CDH12: variants seen among roughly 807,000 people sequenced by gnomAD.
The protein encoded by CDH12 is cadherin 12.
A neutral mutation model predicts 74.1 loss-of-function variants in CDH12; 41 were observed. That is an observed-to-expected ratio of 0.55 (90% CI 0.43 to 0.72). The LOEUF (loss-of-function observed/expected upper bound fraction) is 0.72. Ranked by LOEUF, CDH12 falls within the 30% of genes least tolerant of loss-of-function variation. The pLI is 0.00. For missense variants in CDH12, 945 were observed against 977.2 expected (o/e 0.97, Z 0.44); for synonymous variants, 399 against 355.0 (o/e 1.12, Z -1.39).
intron 3 of CDH12, among the ~76,000 whole-genome samples, chr5:22,382,365 T>G (rs958348470): frequency 8.6e-5 from 13 of 151,236 alleles, no homozygotes; most frequent in Non-Finnish European, 4.4e-5. Flanking sequence ...ATATATAGAC[T>G]TTCCTTATAA....
intron 4 of CDH12, among the ~76,000 whole-genome samples, chr5:22,110,405 G>A (rs1744737024): frequency 6.6e-6 from 1 of 151,926 alleles, no homozygotes; most frequent in African/African-American, 2.4e-5. Context: ...TGGGAGACAG[G>A]GGTAGTACTC....
rs1490317412 is a variant in CDH12 at position 22,316,056 on chromosome 5, C to G, written c.-333+89201G>C. On this transcript the variant is annotated intron_variant, in intron 3 of 14. Coordinates refer to ENST00000382254, the MANE Select transcript of CDH12 (RefSeq NM_004061.5). ...ACAGAGTCCTGACAAGAGAATGTGA[C>G]AGGGGCTGCCTCTAGATCTTGTTCT... 2.6e-5 allele frequency among the ~76,000 whole-genome samples: 4 copies of G among 152,192 alleles called. 1 individual carries two copies. Among genetic ancestry groups the G allele is most frequent in the African/African-American group, 2.4e-5 (1 of 41,546 alleles).
At chr5:22,112,832 T>C (rs1229320055) in intron 4 of CDH12, among the ~76,000 whole-genome samples, 1 of 152,166 alleles carries the variant, frequency 6.6e-6, no homozygotes, top group Non-Finnish European at 1.5e-5. Context: ...CTAGTCTTTT[T>C]CTATTTTGCA....
chr5:21,772,907 A>C (rs541470687), intron 11 of CDH12, among the ~76,000 whole-genome samples: 1 of 152,314 alleles, frequency 6.6e-6, no homozygotes, highest in Admixed American at 6.5e-5. Flanking sequence ...ATAGTTGTAC[A>C]TGTGATTTTG....
chr5:22,057,835 A>G (rs181156623), intron 5 of CDH12, among the ~76,000 whole-genome samples: 1 of 152,294 alleles, frequency 6.6e-6, no homozygotes, highest in Admixed American at 6.5e-5. Context: ...GAGCAGCTAA[A>G]TATGTCACTG....
At chr5:21,875,928 G>A (rs536881574) in intron 6 of CDH12, among the ~76,000 whole-genome samples, 4 of 126,156 alleles carry the variant, frequency 3.2e-5, no homozygotes, top group South Asian at 2.6e-4. Flanking sequence ...ACGGAGTCTC[G>A]CTCTCTCTCC....
At chr5:21,973,047 T>TA (rs746404771) in intron 6 of CDH12, among the ~76,000 whole-genome samples, 28,665 of 103,592 alleles carry the variant, frequency 0.28, 5,017 homozygotes, top group African/African-American at 0.54. Flanking sequence ...CTACAAAAAG[T>TA]AAAAAAAAAA....
chr5:21,868,751 A>G (rs935385899), intron 6 of CDH12, among the ~76,000 whole-genome samples: 2 of 152,196 alleles, frequency 1.3e-5, no homozygotes, highest in Admixed American at 1.3e-4. Flanking sequence ...TTGCTTCAGA[A>G]TGGATCACGG....
chr5:22,194,337 G>GT (rs1298336226), intron 4 of CDH12, among the ~76,000 whole-genome samples: 29 of 99,028 alleles, frequency 2.9e-4, no homozygotes, highest in East Asian at 2.8e-3. Context: ...TGTTTTTTTT[G>GT]TTTTTTGTTT....
At chr5:21,823,419 A>ATATAGGC (rs1748479979) in intron 8 of CDH12, among the ~76,000 whole-genome samples, 1 of 152,128 alleles carries the variant, frequency 6.6e-6, no homozygotes, top group African/African-American at 2.4e-5. Flanking sequence ...CACCTCTAGT[A>ATATAGGC]TATTAACCTA....
chr5:22,192,550 A>C lies in CDH12; in HGVS notation c.-187+19948T>G, dbSNP rs557468247. Among the ~76,000 whole-genome samples the C allele has an allele frequency of 1.7e-3, 262 of 152,228 alleles. 2 individuals carry two copies. Among genetic ancestry groups the C allele is most frequent in the South Asian group, 0.013 (62 of 4,820 alleles). Reference sequence around the variant, plus strand: ...ATTTAAGGCCCTATGGACAGCATGGATAAAAGTCACAGAGGTCCACAAGCA... The same window carrying C: ...ATTTAAGGCCCTATGGACAGCATGGCTAAAAGTCACAGAGGTCCACAAGCA... On this transcript the variant is annotated intron_variant, in intron 4 of 14. Coordinates refer to ENST00000382254, the MANE Select transcript of CDH12 (RefSeq NM_004061.5).
At chr5:22,752,138 C>T (rs146787227) in intron 1 of CDH12, among the ~76,000 whole-genome samples, 3 of 152,186 alleles carry the variant, frequency 2.0e-5, no homozygotes, top group Non-Finnish European at 4.4e-5. Context: ...TTTGCTTTTG[C>T]TTCATGGCAG....
At chr5:21,840,625 C>T (rs1368739034) in intron 8 of CDH12, among the ~76,000 whole-genome samples, 1 of 151,830 alleles carries the variant, frequency 6.6e-6, no homozygotes, top group African/African-American at 2.4e-5. Flanking sequence ...GCTACAGTAA[C>T]CAAAACAGCA....
chr5:22,097,317 A>C (rs1003873109), intron 4 of CDH12, among the ~76,000 whole-genome samples: 1 of 152,154 alleles, frequency 6.6e-6, no homozygotes, highest in Admixed American at 6.6e-5. Context: ...GCGGCTGAAG[A>C]CTGACACTGC....
chr5:22,815,229 A>G (rs1167501351), intron 1 of CDH12, among the ~76,000 whole-genome samples: 2 of 152,206 alleles, frequency 1.3e-5, no homozygotes, highest in Admixed American at 1.3e-4. Context: ...AATGTAATGC[A>G]TATGGTTGAA....
chr5:21,828,939 G>T (rs1170796967), intron 8 of CDH12, among the ~76,000 whole-genome samples: 2 of 108,202 alleles, frequency 1.8e-5, no homozygotes, highest in African/African-American at 3.9e-5. Context: ...TTTTGCAATG[G>T]TCTAAATATT....
chr5:22,370,410 A>AATGGC (rs1453857888), intron 3 of CDH12, among the ~76,000 whole-genome samples: 2 of 152,174 alleles, frequency 1.3e-5, no homozygotes, highest in Non-Finnish European at 2.9e-5. Flanking sequence ...GTAGACAAAC[A>AATGGC]ATGGCATCTG....
chr5:22,639,432 CTTTTT>C (rs10706075), intron 1 of CDH12, among the ~76,000 whole-genome samples: 1 of 115,598 alleles, frequency 8.7e-6, no homozygotes, highest in Non-Finnish European at 1.8e-5. Flanking sequence ...TTTTCTTCTT[CTTTTT>C]TTTTTTTTTT....
intron 1 of CDH12, among the ~76,000 whole-genome samples, chr5:22,581,070 C>G (rs1740072505): frequency 6.6e-6 from 1 of 152,148 alleles, no homozygotes; most frequent in Admixed American, 6.5e-5. Context: ...ATCCCATTTT[C>G]TGGGGAGAAA....
Sources: allele counts gnomAD v4.1 joint callset (sites outside exome capture counted in the v4.1 genomes callset), GRCh38; gene constraint gnomAD v4.1.1; transcripts MANE v1.5; gene names NCBI Gene and HGNC (gene_info 2026-07-23, HGNC 2026-07-21).